The following MGAT4C variants were observed in gnomAD, a reference collection of about 807,000 sequenced individuals.
The protein encoded by MGAT4C is alpha-1,3-mannosyl-glycoprotein 4-beta-N-acetylglucosaminyltransferase C.
Under a neutral mutation model 40.1 loss-of-function variants are expected in MGAT4C, and 19 were observed. The ratio of observed to expected loss-of-function variants is 0.47; its 90% CI spans 0.33 to 0.70. The LOEUF is 0.70. Ranked by LOEUF, MGAT4C falls within the 30% of genes least tolerant of loss-of-function variation. The pLI is 0.02. For missense variants in MGAT4C, 491 were observed against 563.2 expected, an observed-to-expected ratio of 0.87 and a Z score of 1.30; for synonymous variants, 181 against 187.1, an observed-to-expected ratio of 0.97 and a Z score of 0.27.
At chr12:86,408,916 G>A (rs574177741) in intron 3 of MGAT4C, among the ~76,000 whole-genome samples, 7 of 152,050 alleles carry the variant, frequency 4.6e-5, no homozygotes, top group Admixed American at 1.3e-4. Flanking sequence ...GTCTGTCTAC[G>A]TTCAGTCACT....
intron 1 of MGAT4C, among the ~76,000 whole-genome samples, chr12:86,790,771 C>T (rs901736912): frequency 2.6e-5 from 4 of 152,080 alleles, no homozygotes; most frequent in African/African-American, 9.7e-5. Context: ...TCTCTGCGTT[C>T]AGAGAGTCAA....
At chr12:86,569,279 T>C (rs1029533306) in intron 2 of MGAT4C, among the ~76,000 whole-genome samples, 2 of 152,128 alleles carry the variant, frequency 1.3e-5, no homozygotes, top group Non-Finnish European at 2.9e-5. Flanking sequence ...ATTTGCAAAG[T>C]ATTCTTCTGA....
intron 2 of MGAT4C, among the ~76,000 whole-genome samples, chr12:86,668,505 G>C (rs1424452955): frequency 6.6e-6 from 1 of 152,172 alleles, no homozygotes; most frequent in Non-Finnish European, 1.5e-5. Flanking sequence ...AAAGACACTG[G>C]GAACAGCTGC....
At chr12:86,689,128 C>A (rs185366580) in intron 2 of MGAT4C, among the ~76,000 whole-genome samples, 1 of 152,106 alleles carries the variant, frequency 6.6e-6, no homozygotes, top group African/African-American at 2.4e-5. Context: ...TTCACTTGAT[C>A]GATTCATCTG....
intron 1 of MGAT4C, among the ~76,000 whole-genome samples, chr12:86,758,608 CAA>C (rs1423884410): frequency 6.6e-6 from 1 of 151,914 alleles, no homozygotes; most frequent in African/African-American, 2.4e-5. Flanking sequence ...AATCAAAATT[CAA>C]ACACAGTCAC....
intron 2 of MGAT4C, among the ~76,000 whole-genome samples, chr12:86,724,134 T>C (rs1950783161): frequency 6.6e-6 from 1 of 152,192 alleles, no homozygotes; most frequent in African/African-American, 2.4e-5. Flanking sequence ...ATATAATGTA[T>C]ATATCTTTTA....
At chr12:86,597,350 C>A (rs528530004) in intron 2 of MGAT4C, among the ~76,000 whole-genome samples, 1 of 152,196 alleles carries the variant, frequency 6.6e-6, no homozygotes, top group East Asian at 1.9e-4. Context: ...CCAGGGGGAA[C>A]CGAAACCATC....
intron 1 of MGAT4C, among the ~76,000 whole-genome samples, chr12:86,164,558 G>T (rs1885978255): frequency 6.6e-6 from 1 of 152,122 alleles, no homozygotes; most frequent in Admixed American, 6.5e-5. Context: ...TATTCTAACT[G>T]GTAATTTTTC....
chr12:86,420,757 A>G (rs1956804774), intron 3 of MGAT4C, among the ~76,000 whole-genome samples: 1 of 150,318 alleles, frequency 6.7e-6, no homozygotes, highest in African/African-American at 2.4e-5. Flanking sequence ...TAAAAAATCA[A>G]GAATAAATAT....
At chr12:86,829,144 C>T (rs113005444) in intron 1 of MGAT4C, among the ~76,000 whole-genome samples, 19 of 151,420 alleles carry the variant, frequency 1.3e-4, no homozygotes, top group African/African-American at 4.6e-4. Context: ...CTTAGTTTGC[C>T]TTAATTTCAA....
At chr12:86,446,682 T>TATAC (rs1555190162) in intron 2 of MGAT4C, among the ~76,000 whole-genome samples, 37 of 113,450 alleles carry the variant, frequency 3.3e-4, no homozygotes, top group Middle Eastern at 5.5e-3. Flanking sequence ...TATATATATA[T>TATAC]ATATATATAT....
rs577050405 is a variant in MGAT4C, at chr12:86,447,733, T to C, written c.-228-12468A>G. Among the ~76,000 whole-genome samples, 10 of 152,148 alleles carry C rather than the reference T, an allele frequency of 6.6e-5. No homozygotes were observed. In the South Asian group the frequency reaches 1.9e-3, roughly 28 times the overall value. On this transcript the variant is annotated intron_variant, in intron 2 of 7. Transcript: ENST00000548651. ...TATAGACCAAATACAAGTTGAACAA[T>C]AGTATAGCTATAGATGCAAATATAG... is the stretch of plus-strand genomic sequence containing the variant.
At chr12:86,318,674 T>A (rs990723960) in intron 4 of MGAT4C, among the ~76,000 whole-genome samples, 6 of 152,128 alleles carry the variant, frequency 3.9e-5, no homozygotes, top group Non-Finnish European at 5.9e-5. Context: ...TGTTGTATGA[T>A]GTTGTTTTAA....
In MGAT4C at chr12:86,011,862, C is replaced by T. The variant is rs1030841016; in HGVS notation, c.-6-22310G>A. On this transcript the variant is annotated intron_variant, in intron 2 of 4. Coordinates refer to ENST00000611864, the MANE Select transcript of MGAT4C (RefSeq NM_001351288.2). ...GGTCTCAAATTTGCAACCAGGTGAG[C>T]ACACCCTGATAATATAAACTTCCAT... 37 of 985,144 alleles carry T rather than the reference C, an allele frequency of 3.8e-5. No homozygotes were observed. In the South Asian group the frequency reaches 1.2e-3, roughly 33 times the overall value. 61.0% of individuals were successfully genotyped at this position (985,144 alleles called of 1,614,324 possible). A position where few individuals can be genotyped will look rare whatever the true frequency, so the allele number is the denominator to read the frequency against.
At chr12:86,731,334 C>A (rs376440841) in intron 1 of MGAT4C, among the ~76,000 whole-genome samples, 3 of 152,018 alleles carry the variant, frequency 2.0e-5, no homozygotes, top group African/African-American at 7.2e-5. Flanking sequence ...CCCAATCCAG[C>A]TTCTCTTACT....
At chr12:86,610,322 A>AC (rs1962204045) in intron 2 of MGAT4C, among the ~76,000 whole-genome samples, 1 of 152,164 alleles carries the variant, frequency 6.6e-6, no homozygotes, top group Non-Finnish European at 1.5e-5. Context: ...GAGGATATAT[A>AC]ACCCTGGCTT....
At chr12:85,989,914 T>G (rs1885692384) in intron 2 of MGAT4C, among the ~76,000 whole-genome samples, 1 of 152,074 alleles carries the variant, frequency 6.6e-6, no homozygotes, top group Non-Finnish European at 1.5e-5. Context: ...GGTATAACTT[T>G]AAGGTAACAT....
rs1031523715 is a variant in MGAT4C, at chr12:86,156,418, G to T, written c.-57+99821C>A. Among the ~76,000 whole-genome samples the T allele has an allele frequency of 5.9e-5, 9 of 152,210 alleles. No individual in the cohort carries two copies. In the South Asian group the frequency reaches 1.0e-3, roughly 18 times the overall value. On this transcript the variant is annotated intron_variant, in intron 1 of 4. Transcript: ENST00000611864. Reference sequence around the variant, plus strand: ...GCTCACCGCAACCTCCGTGTCCCAGGTTCAAGCGATTCTCCTGCCTCAGCC... The same window carrying T: ...GCTCACCGCAACCTCCGTGTCCCAGTTTCAAGCGATTCTCCTGCCTCAGCC...
intron 1 of MGAT4C, among the ~76,000 whole-genome samples, chr12:86,785,091 G>A (rs530280699): frequency 6.6e-6 from 1 of 151,866 alleles, no homozygotes; most frequent in Non-Finnish European, 1.5e-5. Flanking sequence ...CAAATGAAAG[G>A]CACCATTAGC....
Sources: allele counts gnomAD v4.1 joint callset (sites outside exome capture counted in the v4.1 genomes callset), GRCh38; gene constraint gnomAD v4.1.1; transcripts MANE v1.5; gene names NCBI Gene and HGNC (gene_info 2026-07-23, HGNC 2026-07-21).